Variants in SGCD observed in about 807,000 individuals in gnomAD.
The protein encoded by SGCD is sarcoglycan delta, also known as delta-sarcoglycan.
Under a neutral mutation model 36.6 loss-of-function variants are expected in SGCD, and 18 were observed. That is an observed-to-expected ratio of 0.49 (90% CI 0.34 to 0.73). SGCD has a LOEUF of 0.73. Among genes scored for constraint, SGCD ranks in the 30% least tolerant of loss-of-function variants. SGCD has a pLI of 0.01. For missense variants in SGCD, 387 were observed against 346.7 expected (o/e 1.12, Z -0.92); for synonymous variants, 133 against 130.6 (o/e 1.02, Z -0.12).
rs541030558 is a variant in SGCD at position 156,616,420 on chromosome 5, G to T, written c.502+21369G>T. ...ATTGGGGTGTTGTTATCAGGAGAGG[G>T]AATAGGTGCTAGGAAAAAAATGCAA... On this transcript the variant is annotated intron_variant, in intron 6 of 8. Coordinates refer to ENST00000337851, the MANE Select transcript of SGCD (RefSeq NM_000337.6). 2.0e-5 allele frequency among the ~76,000 whole-genome samples: 3 copies of T among 152,290 alleles called. No homozygotes were observed. In the East Asian group the frequency reaches 5.8e-4, roughly 29 times the overall value.
chr5:155,918,108 G>A (rs4704858), intron 1 of SGCD, among the ~76,000 whole-genome samples: 21,396 of 151,984 alleles, frequency 0.14, 2,290 homozygotes, highest in Admixed American at 0.36. Context: ...ATTCTTTTTC[G>A]TATTTCACCT....
intron 3 of SGCD, among the ~76,000 whole-genome samples, chr5:156,394,668 C>A (rs76581434): frequency 0.014 from 2,081 of 152,242 alleles, 22 homozygotes; most frequent in Non-Finnish European, 0.023. Context: ...AAAGTATTTT[C>A]TTTGACGTAA....
At chr5:155,800,249 G>A in the SGCD span, among the ~76,000 whole-genome samples, 277 of 152,162 alleles carry the variant, frequency 1.8e-3, 1 homozygote, top group Non-Finnish European at 3.1e-3. Context: ...TTGTTTTGTT[G>A]CTCAATGCTG....
intron 1 of SGCD, among the ~76,000 whole-genome samples, chr5:156,076,660 A>G (rs961153411): frequency 1.3e-5 from 2 of 152,216 alleles, no homozygotes; most frequent in African/African-American, 4.8e-5. Context: ...ATAGTCCCAC[A>G]TGTATGCCAA....
intron 3 of SGCD, among the ~76,000 whole-genome samples, chr5:156,364,001 G>C (rs143093212): frequency 7.1e-4 from 108 of 152,284 alleles, no homozygotes; most frequent in African/African-American, 2.3e-3. Context: ...CATTGGCTTG[G>C]TGGTCTCAGT....
intron 3 of SGCD, among the ~76,000 whole-genome samples, chr5:156,482,813 G>GTT (rs3074979): frequency 0.047 from 3,915 of 83,186 alleles, 377 homozygotes; most frequent in East Asian, 0.1. Flanking sequence ...CTTTTGGTCA[G>GTT]TTTTTTTTTT....
chr5:156,370,130 G>A lies in SGCD; in HGVS notation c.192+25453G>A, dbSNP rs114799896. Among the ~76,000 whole-genome samples the A allele has an allele frequency of 5.9e-3, 900 of 152,236 alleles. 11 individuals are homozygous for A. Among genetic ancestry groups the A allele is most frequent in the African/African-American group, 0.021 (858 of 41,532 alleles). ...GATATCAGCATCCAAGTTTAAGGTC[G>A]CAGATTCTGCTCAGTGACCTTGAGA... On this transcript the variant is annotated intron_variant, in intron 3 of 8. Coordinates refer to ENST00000337851, the MANE Select transcript of SGCD (RefSeq NM_000337.6).
At chr5:155,869,518 C>T (rs961911256), upstream of SGCD, among the ~76,000 whole-genome samples, 1 of 152,176 alleles carries the variant, frequency 6.6e-6, no homozygotes, top group East Asian at 1.9e-4. Context: ...TGGATACTGA[C>T]TCCCTCACCC....
chr5:156,624,449 C>T (rs1043845241), intron 6 of SGCD, among the ~76,000 whole-genome samples: 9 of 152,004 alleles, frequency 5.9e-5, no homozygotes, highest in Admixed American at 2.0e-4. Context: ...GGCGTGTTAG[C>T]GGGCGCCTGT....
chr5:156,433,224 G>C (rs1318960394), intron 3 of SGCD, among the ~76,000 whole-genome samples: 1 of 152,120 alleles, frequency 6.6e-6, no homozygotes, highest in Admixed American at 6.5e-5. Context: ...TTCTCTCTCT[G>C]TTCTCGCTGT....
At chr5:155,970,634 G>T (rs973572670) in intron 1 of SGCD, among the ~76,000 whole-genome samples, 22 of 152,142 alleles carry the variant, frequency 1.4e-4, no homozygotes, top group African/African-American at 5.3e-4. Flanking sequence ...AGATTGTCAG[G>T]TAGGACCTCT....
chr5:156,044,292 T>A (rs1416733793), intron 1 of SGCD, among the ~76,000 whole-genome samples: 2 of 152,138 alleles, frequency 1.3e-5, no homozygotes, highest in Non-Finnish European at 2.9e-5. Context: ...TGGAGTAAAA[T>A]CAAAAAGTTG....
chr5:155,824,479 ATAT>A, the SGCD span, among the ~76,000 whole-genome samples: 28 of 152,224 alleles, frequency 1.8e-4, no homozygotes, highest in Non-Finnish European at 8.8e-5. Flanking sequence ...ATTAGTCTTT[ATAT>A]TATTAAATAA....
At chr5:155,838,542 A>C in the SGCD span, among the ~76,000 whole-genome samples, 1 of 152,118 alleles carries the variant, frequency 6.6e-6, no homozygotes. Flanking sequence ...AGCAATTCTC[A>C]AAGTGTGTTC....
chr5:156,444,804 TA>T (rs1019933621), intron 3 of SGCD, among the ~76,000 whole-genome samples: 2 of 152,188 alleles, frequency 1.3e-5, no homozygotes, highest in Non-Finnish European at 1.5e-5. Flanking sequence ...TTTTTAAGCT[TA>T]AAAAAATGTT....
At chr5:155,989,360 C>T (rs1026146315) in intron 1 of SGCD, among the ~76,000 whole-genome samples, 13 of 152,216 alleles carry the variant, frequency 8.5e-5, no homozygotes, top group East Asian at 5.8e-4. Context: ...CATATTCTTA[C>T]GTTTTGTTCA....
chr5:156,739,568 A>C (rs549200857), intron 7 of SGCD: 2 of 152,156 alleles, frequency 1.3e-5, no homozygotes, highest in African/African-American at 4.8e-5. Flanking sequence ...TACTTGCTGG[A>C]GGATCTGTCA....
At chr5:156,267,964 T>G (rs896846570) in intron 3 of SGCD, among the ~76,000 whole-genome samples, 2 of 152,154 alleles carry the variant, frequency 1.3e-5, no homozygotes, top group African/African-American at 4.8e-5. Context: ...AATAGTTATT[T>G]TTTCCATTCT....
At chr5:156,071,475 A>T (rs1234167211) in intron 1 of SGCD, among the ~76,000 whole-genome samples, 6 of 152,062 alleles carry the variant, frequency 3.9e-5, no homozygotes, top group Non-Finnish European at 8.8e-5. Context: ...TTCTAGTTTG[A>T]TTGCACTGTG....
Sources: gnomAD v4.1 joint callset for allele counts (sites outside exome capture counted in the v4.1 genomes callset) on GRCh38, gnomAD v4.1.1 for gene constraint, MANE v1.5 for transcripts, NCBI Gene and HGNC (gene_info 2026-07-23, HGNC 2026-07-21) for gene names.